The following NRXN1 variants were observed in gnomAD, a reference collection of about 807,000 sequenced individuals.
The protein encoded by NRXN1 is neurexin-1.
NRXN1 carries 39 observed loss-of-function variants against 150.9 expected under a neutral mutation model. The ratio of observed to expected loss-of-function variants is 0.26; its 90% confidence interval spans 0.20 to 0.34. The LOEUF (loss-of-function observed/expected upper bound fraction) is 0.34, where lower values mean the gene tolerates loss of function less well. Among genes scored for constraint, NRXN1 ranks in the 10% least tolerant of loss-of-function variants. The pLI is 1.00. For missense variants in NRXN1, 1,815 were observed against 1,949.9 expected, an observed-to-expected ratio of 0.93 and a Z score of 1.30; for synonymous variants, 924 against 757.0, an observed-to-expected ratio of 1.22 and a Z score of -3.62.
Position 50,925,934 on chromosome 2 carries a change from C to T in NRXN1, c.790+4G>A. On this transcript the variant is annotated splice_donor_region_variant and intron_variant, in intron 3 of 22. Transcript: ENST00000401669. ...GTTGGAAAAATAAGGTAGAAAGCACCCACCTTCCACATTGTTGTCTTCTGA... is the reference window on the plus strand; with the variant it reads ...GTTGGAAAAATAAGGTAGAAAGCACTCACCTTCCACATTGTTGTCTTCTGA... The T allele has an allele frequency of 1.3e-6, 2 of 1,572,236 alleles. No homozygotes were observed. Among genetic ancestry groups the T allele is most frequent in the Non-Finnish European group, 1.7e-6 (2 of 1,157,176 alleles).
At chr2:50,606,781 A>T (rs1245401923) in intron 8 of NRXN1, among the ~76,000 whole-genome samples, 1 of 152,160 alleles carries the variant, frequency 6.6e-6, no homozygotes, top group Admixed American at 6.5e-5. Flanking sequence ...AATTGAAAAA[A>T]GTGATAGTTT....
chr2:50,626,747 C>A (rs1041305429), intron 5 of NRXN1, among the ~76,000 whole-genome samples: 5 of 151,870 alleles, frequency 3.3e-5, no homozygotes, highest in Non-Finnish European at 5.9e-5. Flanking sequence ...TTGATACACT[C>A]ATCTACATTA....
chr2:50,046,067 T>C (rs1036752239), intron 21 of NRXN1, among the ~76,000 whole-genome samples: 1 of 152,232 alleles, frequency 6.6e-6, no homozygotes, highest in Non-Finnish European at 1.5e-5. Context: ...AATTACCTTC[T>C]GTGTGTGACA....
chr2:50,886,322 A>G (rs1249657026), intron 5 of NRXN1, among the ~76,000 whole-genome samples: 1 of 151,506 alleles, frequency 6.6e-6, no homozygotes, highest in African/African-American at 2.4e-5. Flanking sequence ...TCAAATTTTT[A>G]TCTAGATTGT....
At position 50,980,343 on chromosome 2, in the gene NRXN1, A is replaced by T. The variant is rs182962359; in HGVS notation, c.772+47159T>A. Among the ~76,000 whole-genome samples the T allele has an allele frequency of 8.5e-4, 130 of 152,262 alleles. 1 individual carries two copies. The highest frequency in any genetic ancestry group is 2.9e-3 in the African/African-American group (121 of 41,572). On this transcript the variant is annotated intron_variant, in intron 2 of 22. Coordinates refer to ENST00000401669, the MANE Select transcript of NRXN1 (RefSeq NM_001330078.2). ...TTAATAGTTTCTACTTTTGTTGTAT[A>T]TATTAATAATGAGCTGTTCATTCAA...
chr2:50,045,104 C>A (rs1356443885), intron 21 of NRXN1, among the ~76,000 whole-genome samples: 1 of 152,088 alleles, frequency 6.6e-6, no homozygotes, highest in Non-Finnish European at 1.5e-5. Flanking sequence ...CCTGAGGTCC[C>A]AGCCTAATGG....
intron 8 of NRXN1, among the ~76,000 whole-genome samples, chr2:50,610,642 CATAT>C (rs71404969): frequency 0.02 from 856 of 42,856 alleles, 36 homozygotes; most frequent in African/African-American, 0.057. Context: ...TAAATAGATA[CATAT>C]ATATATATAT....
intron 5 of NRXN1, among the ~76,000 whole-genome samples, chr2:50,657,200 A>G (rs79246708): frequency 0.11 from 16,194 of 151,948 alleles, 1,099 homozygotes; most frequent in Non-Finnish European, 0.15. Flanking sequence ...CTTTAGCCAC[A>G]TCCATCTCCC....
chr2:51,008,063 T>C (rs1419594653), intron 2 of NRXN1, among the ~76,000 whole-genome samples: 1 of 151,972 alleles, frequency 6.6e-6, no homozygotes, highest in African/African-American at 2.4e-5. Flanking sequence ...ACAGTCTTCC[T>C]ATAAAATTCT....
intron 5 of NRXN1, among the ~76,000 whole-genome samples, chr2:50,638,113 G>A (rs1231334065): frequency 3.3e-5 from 5 of 152,078 alleles, no homozygotes; most frequent in Non-Finnish European, 7.4e-5. Flanking sequence ...GTGCACAGGC[G>A]AAGTTGGGAT....
At chr2:50,199,120 C>T (rs1171834886) in intron 18 of NRXN1, 1 of 152,042 alleles carries the variant, frequency 6.6e-6, no homozygotes, top group Non-Finnish European at 1.5e-5. Context: ...TCTGGATGCA[C>T]CAATTTTCGC....
chr2:50,473,147 G>A (rs980024317), intron 15 of NRXN1, among the ~76,000 whole-genome samples: 2 of 151,812 alleles, frequency 1.3e-5, no homozygotes, highest in Non-Finnish European at 2.9e-5. Flanking sequence ...ATAATAGTCT[G>A]TACATAAGTG....
At chr2:50,859,812 CATT>C (rs1025516062) in intron 5 of NRXN1, among the ~76,000 whole-genome samples, 3 of 141,724 alleles carry the variant, frequency 2.1e-5, no homozygotes. Context: ...TACACACACA[CATT>C]ATATACACAC....
intron 17 of NRXN1, among the ~76,000 whole-genome samples, chr2:50,311,897 A>G (rs1184862257): frequency 1.3e-5 from 2 of 152,106 alleles, no homozygotes; most frequent in Admixed American, 6.6e-5. Flanking sequence ...AAATACCTAC[A>G]CAATTGGAGG....
At chr2:50,954,220 T>C (rs1558483922) in intron 2 of NRXN1, among the ~76,000 whole-genome samples, 1 of 152,200 alleles carries the variant, frequency 6.6e-6, no homozygotes, top group Non-Finnish European at 1.5e-5. Flanking sequence ...GATGTTTTCT[T>C]TCTTCAAATG....
chr2:50,370,778 C>G lies in NRXN1; in HGVS notation c.3364+94664G>C, dbSNP rs539669201. Among the ~76,000 whole-genome samples the G allele has an allele frequency of 7.2e-5, 11 of 152,018 alleles. No homozygotes were observed. The East Asian group carries it at 2.1e-3, about 29-fold the overall frequency. ...TATTCAGAAAACTCCTTTGCTTTAG[C>G]GAACACGAATTCAAAAGTGCTAATG... is the stretch of plus-strand genomic sequence containing the variant. On this transcript the variant is annotated intron_variant, in intron 17 of 22. Transcript: ENST00000401669.
intron 5 of NRXN1, among the ~76,000 whole-genome samples, chr2:50,779,002 C>T (rs1326074485): frequency 6.6e-6 from 1 of 152,064 alleles, no homozygotes; most frequent in Non-Finnish European, 1.5e-5. Context: ...TGTCTCTGTA[C>T]CTATATACAT....
intron 21 of NRXN1, among the ~76,000 whole-genome samples, chr2:49,988,830 G>C (rs1681419678): frequency 6.6e-6 from 1 of 152,152 alleles, no homozygotes; most frequent in East Asian, 1.9e-4. Context: ...ACATAGCAGA[G>C]TTAAGAAATC....
In NRXN1 at chr2:51,028,295, G is replaced by C. The variant is rs1057520336; in HGVS notation, c.-22C>G. 1.3e-5 allele frequency: 19 copies of C among 1,411,296 alleles called. No individual in the cohort carries two copies. Among genetic ancestry groups the C allele is most frequent in the South Asian group, 1.6e-5 (1 of 63,560 alleles). 87.4% of individuals were successfully genotyped at this position (1,411,296 alleles called of 1,614,324 possible). On this transcript the variant is annotated 5_prime_UTR_variant, in exon 2 of 23. Transcript: ENST00000401669. ...CCATGCTCGGGGCTGGGGTGCGGCG[G>C]GGGGGTGCCGGGGCCGACAGGGTCA...
Sources: allele counts gnomAD v4.1 joint callset (sites outside exome capture counted in the v4.1 genomes callset), GRCh38; gene constraint gnomAD v4.1.1; transcripts MANE v1.5; gene names NCBI Gene and HGNC (gene_info 2026-07-23, HGNC 2026-07-21).